Variants in GUCY2C observed in about 807,000 individuals in gnomAD.
GUCY2C encodes guanylate cyclase 2C, also known as guanylyl cyclase C.
A neutral mutation model predicts 131.1 loss-of-function variants in GUCY2C; 118 were observed. The observed-to-expected ratio is 0.90, with a 90% CI of 0.78 to 1.05. GUCY2C has a LOEUF of 1.05. GUCY2C is among the 50% of genes least tolerant of loss of function. The pLI, the probability that GUCY2C is intolerant of heterozygous loss-of-function variation, is 0.00. For synonymous variants in GUCY2C, 452 were observed against 457.8 expected (o/e 0.99, Z 0.16); for missense variants, 1,161 against 1,304.4 (o/e 0.89, Z 1.69).
chr12:14,688,470 G>A (rs1364422610), intron 1 of GUCY2C, among the ~76,000 whole-genome samples: 1 of 152,166 alleles, frequency 6.6e-6, no homozygotes, highest in Non-Finnish European at 1.5e-5. Context: ...TGTATGGACT[G>A]GAGAGTGTTG....
At chr12:14,667,987 T>C (rs1290055048) in intron 10 of GUCY2C, among the ~76,000 whole-genome samples, 1 of 147,130 alleles carries the variant, frequency 6.8e-6, no homozygotes, top group African/African-American at 2.5e-5. Flanking sequence ...TTTGTGAATA[T>C]ATAATAATTT....
chr12:14,690,743 G>A (rs1225640017), intron 1 of GUCY2C, among the ~76,000 whole-genome samples: 3 of 152,000 alleles, frequency 2.0e-5, no homozygotes, highest in Admixed American at 6.6e-5. Context: ...GGGTTTCATC[G>A]TGTTAGCCAG....
chr12:14,646,465 A>C (rs1350218559), intron 15 of GUCY2C, among the ~76,000 whole-genome samples: 1 of 152,174 alleles, frequency 6.6e-6, no homozygotes, highest in Non-Finnish European at 1.5e-5. Context: ...CCTTTAGCGC[A>C]CCATTCACCC....
At chr12:14,653,053 A>G (rs1273070260) in intron 12 of GUCY2C, 39 bp from the exon 13 acceptor site, 2 of 1,433,136 alleles carry the variant, frequency 1.4e-6, no homozygotes, top group Admixed American at 3.3e-5. Flanking sequence ...GAAGCTCCAT[A>G]TCTCATCCTA....
chr12:14,657,639 C>T (rs926466076), intron 11 of GUCY2C, among the ~76,000 whole-genome samples: 1 of 152,084 alleles, frequency 6.6e-6, no homozygotes, highest in Non-Finnish European at 1.5e-5. Flanking sequence ...CTCACAGGAC[C>T]GCGAACCCTA....
intron 10 of GUCY2C, chr12:14,665,731 T>C (rs1280787492): frequency 6.6e-6 from 1 of 152,240 alleles, no homozygotes; most frequent in African/African-American, 2.4e-5. Flanking sequence ...TAAATAAATA[T>C]CTTTGTTAAA....
chr12:14,691,043 G>A (rs1948566143), intron 1 of GUCY2C, among the ~76,000 whole-genome samples: 1 of 152,216 alleles, frequency 6.6e-6, no homozygotes, highest in South Asian at 2.1e-4. Context: ...AGCAAAGCAT[G>A]TCTATAATAG....
chr12:14,638,226 G>T (rs1276560289), intron 19 of GUCY2C, among the ~76,000 whole-genome samples: 1 of 152,150 alleles, frequency 6.6e-6, no homozygotes, highest in East Asian at 1.9e-4. Flanking sequence ...ACAGATGCTG[G>T]CAAGGATGCA....
intron 10 of GUCY2C, among the ~76,000 whole-genome samples, chr12:14,668,373 G>A (rs1240497878): frequency 6.6e-6 from 1 of 152,142 alleles, no homozygotes; most frequent in Non-Finnish European, 1.5e-5. Flanking sequence ...GTTTCACCAT[G>A]TTGGTCAGGC....
In GUCY2C at chr12:14,661,059, G is replaced by A. The variant is rs748643369; in HGVS notation, c.1286C>T (p.Pro429Leu). The A allele has an allele frequency of 3.7e-6, 6 of 1,608,914 alleles. No homozygotes were observed. In the Admixed American group the frequency reaches 8.3e-5, roughly 22 times the overall value. ...KLPNDITGRG[P>L]QILMIAVFTL... is the part of the protein sequence containing the mutation. ...GAAGACTGCAATCATCAGGATCTGA[G>A]GGCCTGTGGCGGAAAATGCGTTAGG... Residue 429 changes from proline to leucine, a missense_variant, in exon 11 of 27, where the codon CCT (proline) becomes CTT (leucine). Coordinates refer to ENST00000261170, the MANE Select transcript of GUCY2C (RefSeq NM_004963.4).
intron 10 of GUCY2C, among the ~76,000 whole-genome samples, chr12:14,668,397 C>T (rs1948029686): frequency 6.6e-6 from 1 of 152,136 alleles, no homozygotes; most frequent in South Asian, 2.1e-4. Flanking sequence ...TCTCGAACTG[C>T]TGACCTCGTT....
intron 8 of GUCY2C, 116 bp downstream of exon 8, chr12:14,674,509 T>G: frequency 1.1e-6 from 1 of 928,726 alleles, no homozygotes; most frequent in South Asian, 1.3e-5. Context: ...CCAGTTGAGT[T>G]CAAAGGGATT....
chr12:14,624,599 ATTTC>A, intron 21 of GUCY2C, among the ~76,000 whole-genome samples: 1 of 152,112 alleles, frequency 6.6e-6, no homozygotes, highest in East Asian at 1.9e-4. Flanking sequence ...TGCTACACAT[ATTTC>A]TTTTTGATTC....
chr12:14,677,606 C>T (rs1592139478), intron 6 of GUCY2C, among the ~76,000 whole-genome samples: 1 of 152,014 alleles, frequency 6.6e-6, no homozygotes, highest in Admixed American at 6.5e-5. Flanking sequence ...GTTTCACTCT[C>T]ATTTCCCAGG....
At chr12:14,638,823 G>A (rs536546883) in intron 19 of GUCY2C, among the ~76,000 whole-genome samples, 1 of 152,256 alleles carries the variant, frequency 6.6e-6, no homozygotes, top group African/African-American at 2.4e-5. Context: ...TAACAACAAT[G>A]TATTGTACAT....
intron 24 of GUCY2C, among the ~76,000 whole-genome samples, chr12:14,617,759 C>T (rs979539034): frequency 5.3e-5 from 8 of 152,154 alleles, no homozygotes; most frequent in East Asian, 1.9e-4. Context: ...GATTGCTAAA[C>T]GCTTAACATG....
At position 14,661,952 on chromosome 12, in the gene GUCY2C, A is replaced by G. The variant is rs577123582; in HGVS notation, c.1283-890T>C. 9.7e-4 allele frequency among the ~76,000 whole-genome samples: 147 copies of G among 152,308 alleles called. 2 individuals carry two copies. Among genetic ancestry groups the G allele is most frequent in the African/African-American group, 3.4e-3 (142 of 41,560 alleles). On this transcript the variant is annotated intron_variant, in intron 10 of 26. Coordinates refer to ENST00000261170, the MANE Select transcript of GUCY2C (RefSeq NM_004963.4). Reference sequence around the variant, plus strand: ...ACTCTCAGAAGAGTAAGTGGAATCCAGGAAAATGTGGATCCAACCCAAGGA... The same window carrying G: ...ACTCTCAGAAGAGTAAGTGGAATCCGGGAAAATGTGGATCCAACCCAAGGA...
intron 18 of GUCY2C, among the ~76,000 whole-genome samples, chr12:14,640,382 G>A (rs1159303253): frequency 4.0e-5 from 6 of 150,590 alleles, no homozygotes; most frequent in South Asian, 4.2e-4. Flanking sequence ...GCTTCAGCCC[G>A]GGAGGCAGAG....
chr12:14,621,390 G>C (rs1392037436), intron 22 of GUCY2C, among the ~76,000 whole-genome samples, 174 bp from the exon 23 acceptor site: 2 of 152,130 alleles, frequency 1.3e-5, no homozygotes, highest in Non-Finnish European at 2.9e-5. Flanking sequence ...TTTCTTCAGG[G>C]TTTTTATAGT....
Sources: gnomAD v4.1 joint callset for allele counts (sites outside exome capture counted in the v4.1 genomes callset) on GRCh38, gnomAD v4.1.1 for gene constraint, MANE v1.5 for transcripts, NCBI Gene and HGNC (gene_info 2026-07-23, HGNC 2026-07-21) for gene names.